Variants in MSH4 observed in about 807,000 individuals in gnomAD.
The protein encoded by MSH4 is mutS homolog 4.
In MSH4, 106 loss-of-function variants were observed where a neutral mutation model predicts 113.7. The ratio of observed to expected loss-of-function variants is 0.93; its 90% CI spans 0.80 to 1.10. The LOEUF (loss-of-function observed/expected upper bound fraction) is 1.10. MSH4 is among the 50% of genes least tolerant of loss of function. The pLI, the probability that MSH4 is intolerant of heterozygous loss-of-function variation, is 0.00. For missense variants in MSH4, 1,061 were observed against 1,093.7 expected, an observed-to-expected ratio of 0.97 and a Z score of 0.42; for synonymous variants, 368 against 380.2, an observed-to-expected ratio of 0.97 and a Z score of 0.37.
intron 8 of MSH4, among the ~76,000 whole-genome samples, chr1:75,861,899 C>A (rs921360786): frequency 2.1e-4 from 32 of 152,168 alleles, no homozygotes; most frequent in African/African-American, 7.0e-4. Flanking sequence ...AGGCAGTAGG[C>A]CTTGCTGAGC....
At position 75,796,945 on chromosome 1, in the gene MSH4, C is replaced by G; in HGVS notation, c.-41C>G. 6.2e-7 allele frequency: 1 copy of G among 1,609,704 alleles called. No individual in the cohort carries two copies. Among genetic ancestry groups the G allele is most frequent in the Non-Finnish European group, 8.5e-7 (1 of 1,177,492 alleles). ...TAGTTGGGCTACTGGAGGGGTCGCT[C>G]AGAAACCTCATACTTCTCGGGTCAG... On this transcript the variant is annotated 5_prime_UTR_variant, in exon 1 of 20. Transcript: ENST00000263187.
chr1:75,897,891 C>A lies in MSH4; in HGVS notation c.2356-16C>A. The A allele has an allele frequency of 7.0e-7, 1 of 1,422,746 alleles. No homozygotes were observed. Among genetic ancestry groups the A allele is most frequent in the Non-Finnish European group, 9.3e-7 (1 of 1,077,012 alleles). 88.1% of individuals were successfully genotyped at this position (1,422,746 alleles called of 1,614,324 possible). A position where few individuals can be genotyped will look rare whatever the true frequency, so the allele number is the denominator to read the frequency against. Reference sequence around the variant, plus strand: ...TTTTTAAAGTACTAATATTCATTGTCTGTTATATATTCCAGGCATTTACAC... The same window carrying A: ...TTTTTAAAGTACTAATATTCATTGTATGTTATATATTCCAGGCATTTACAC... On this transcript the variant is annotated splice_polypyrimidine_tract_variant and intron_variant, in intron 17 of 19. Transcript: ENST00000263187.
intron 9 of MSH4, among the ~76,000 whole-genome samples, chr1:75,870,529 T>A (rs1489709655): frequency 6.6e-6 from 1 of 152,160 alleles, no homozygotes; most frequent in Non-Finnish European, 1.5e-5. Context: ...GTGGAGGTAA[T>A]TGAATCATAG....
At chr1:75,894,018 A>G (rs1341951556) in intron 17 of MSH4, among the ~76,000 whole-genome samples, 2 of 152,164 alleles carry the variant, frequency 1.3e-5, no homozygotes, top group Non-Finnish European at 2.9e-5. Flanking sequence ...TCACTTACCC[A>G]TCCTGGAAGA....
intron 9 of MSH4, among the ~76,000 whole-genome samples, chr1:75,868,399 T>G (rs1651637116): frequency 6.6e-6 from 1 of 152,234 alleles, no homozygotes; most frequent in African/African-American, 2.4e-5. Flanking sequence ...TTGATGGCTC[T>G]TACCTGAAGT....
At position 75,878,289 on chromosome 1, in the gene MSH4, CAT is replaced by C; in HGVS notation, c.1513_1514del (p.Tyr505HisfsTer6). 1 of 1,601,014 alleles carries C rather than the reference CAT, an allele frequency of 6.2e-7. No homozygotes were observed. The highest frequency in any genetic ancestry group is 1.8e-5 in the Admixed American group (1 of 55,722). ...GAATTTCTTGACATAGCAAGAAGAA[CAT>C]ACACAGAGATTGTAGATGACATAGC... On this transcript the variant is annotated frameshift_variant, in exon 11 of 20. Transcript: ENST00000263187. LOFTEE classifies it high-confidence loss of function.
chr1:75,816,636 T>A, intron 6 of MSH4, 90 bp downstream of exon 6: 1 of 837,596 alleles, frequency 1.2e-6, no homozygotes, highest in Non-Finnish European at 1.6e-6. Flanking sequence ...TTTTCTTTTT[T>A]AAATTTTGAG....
Position 75,808,022 on chromosome 1 carries a change from C to T in MSH4, c.588+881C>T, listed in dbSNP as rs5745339. On this transcript the variant is annotated intron_variant, in intron 3 of 19. Coordinates refer to ENST00000263187, the MANE Select transcript of MSH4 (RefSeq NM_002440.4). ...ACATTGACTGTGTGTAAGCATTGTG[C>T]ATATACATTAAAATGTTGAAATTTT... is the stretch of plus-strand genomic sequence containing the variant. Among the ~76,000 whole-genome samples, 195 of 152,214 alleles carry T rather than the reference C, an allele frequency of 1.3e-3. 4 individuals carry two copies. The highest frequency in any genetic ancestry group is 1.5e-3 in the Non-Finnish European group (105 of 68,008).
At chr1:75,797,307 G>A in intron 1 of MSH4, 78 bp downstream of exon 1, 1 of 1,504,630 alleles carries the variant, frequency 6.6e-7, no homozygotes, top group East Asian at 2.4e-5. Context: ...CACGTGGGTG[G>A]TGGTTACCAC....
rs565362385 is a variant in MSH4 at position 75,905,335 on chromosome 1, A to G, written c.2619+5629A>G. 4.0e-4 allele frequency among the ~76,000 whole-genome samples: 60 copies of G among 150,680 alleles called. 1 individual carries two copies. Among genetic ancestry groups the G allele is most frequent in the African/African-American group, 1.4e-3 (59 of 41,000 alleles). On this transcript the variant is annotated intron_variant, in intron 19 of 19. Transcript: ENST00000263187. ...TTCAGGGGCATGTTGTTTATTTTCC[A>G]TGTATTTATATATATAGTTTCCAAA...
chr1:75,896,559 T>A (rs558865645), intron 17 of MSH4, among the ~76,000 whole-genome samples: 1 of 152,030 alleles, frequency 6.6e-6, no homozygotes, highest in African/African-American at 2.4e-5. Flanking sequence ...GCATACAGTA[T>A]CTGTTTCCAA....
chr1:75,819,429 G>C (rs1240562424), intron 6 of MSH4, among the ~76,000 whole-genome samples: 1 of 152,180 alleles, frequency 6.6e-6, no homozygotes, highest in Non-Finnish European at 1.5e-5. Flanking sequence ...GGCAGAGGTA[G>C]CAGTGAGCCT....
chr1:75,810,412 ATT>A (rs760146124), intron 3 of MSH4, among the ~76,000 whole-genome samples: 1 of 104,488 alleles, frequency 9.6e-6, no homozygotes. Flanking sequence ...TAATTTTTGT[ATT>A]TTTTTTTTTT....
At chr1:75,909,660 C>T (rs1048138921) in intron 19 of MSH4, among the ~76,000 whole-genome samples, 3 of 151,542 alleles carry the variant, frequency 2.0e-5, no homozygotes, top group East Asian at 1.9e-4. Context: ...CCCCTCCCCC[C>T]GCTGACAGGC....
chr1:75,825,661 T>C (rs538060299), intron 7 of MSH4, among the ~76,000 whole-genome samples: 1 of 152,172 alleles, frequency 6.6e-6, no homozygotes, highest in African/African-American at 2.4e-5. Context: ...TTATTGACAG[T>C]TTTTTAGTAT....
At chr1:75,839,229 T>G (rs1017119134) in intron 7 of MSH4, among the ~76,000 whole-genome samples, 4 of 152,132 alleles carry the variant, frequency 2.6e-5, no homozygotes, top group Admixed American at 6.5e-5. Flanking sequence ...CTTTTCTTTT[T>G]TTTGAGACAG....
At chr1:75,893,672 T>C (rs1337350034) in intron 17 of MSH4, among the ~76,000 whole-genome samples, 1 of 152,194 alleles carries the variant, frequency 6.6e-6, no homozygotes, top group East Asian at 1.9e-4. Flanking sequence ...AATGTGACTA[T>C]AAGGAGATAC....
At chr1:75,844,443 C>T (rs1398680954) in intron 7 of MSH4, among the ~76,000 whole-genome samples, 1 of 152,182 alleles carries the variant, frequency 6.6e-6, no homozygotes, top group Non-Finnish European at 1.5e-5. Context: ...CCTCCCACCT[C>T]AGCCTCCTGA....
At position 75,797,146 on chromosome 1, in the gene MSH4, C is replaced by T. The variant is rs891124912; in HGVS notation, c.161C>T (p.Pro54Leu). 3 of 1,613,410 alleles carry T rather than the reference C, an allele frequency of 1.9e-6. No individual in the cohort carries two copies. The highest frequency in any genetic ancestry group is 1.6e-4 in the Middle Eastern group (1 of 6,084). ...SVQVVSASTC[P>L]GTSGAAGDRS... The stretch of plus-strand genomic sequence containing the variant: ...CAGGTGGTCTCTGCATCCACCTGTC[C>T]TGGCACGTCAGGAGCTGCGGGCGAC... The change falls in exon 1 of 20, where the codon CCT becomes CTT. Residue 54 changes from proline (P) to leucine (L), a missense_variant. By Grantham distance (98) the Pro-to-Leu change is moderately conservative. Coordinates refer to ENST00000263187, the MANE Select transcript of MSH4 (RefSeq NM_002440.4).
Sources: gnomAD v4.1 joint callset for allele counts (sites outside exome capture counted in the v4.1 genomes callset) on GRCh38, gnomAD v4.1.1 for gene constraint, MANE v1.5 for transcripts, NCBI Gene and HGNC (gene_info 2026-07-23, HGNC 2026-07-21) for gene names.